ZNF521: variants seen among roughly 807,000 people sequenced by gnomAD.
ZNF521 encodes zinc finger protein 521.
A neutral mutation model predicts 105.5 loss-of-function variants in ZNF521; 14 were observed. The observed-to-expected ratio is 0.13, with a 90% CI of 0.09 to 0.21. ZNF521 has a LOEUF of 0.21. ZNF521 is among the 10% of genes least tolerant of loss of function. The probability of loss-of-function intolerance (pLI) is 1.00; values close to 1 mark genes in which losing one functional copy is unlikely to be tolerated. For synonymous variants in ZNF521, 635 were observed against 606.0 expected, an observed-to-expected ratio of 1.05 and a Z score of -0.70; for missense variants, 1,233 against 1,629.7, an observed-to-expected ratio of 0.76 and a Z score of 4.19.
chr18:25,232,246 T>G (rs939651138), intron 3 of ZNF521, among the ~76,000 whole-genome samples: 2 of 152,220 alleles, frequency 1.3e-5, no homozygotes, highest in African/African-American at 4.8e-5. Context: ...AATCTGCCCC[T>G]ACCTAGGTAT....
At chr18:25,188,349 C>A (rs899216918) in intron 5 of ZNF521, among the ~76,000 whole-genome samples, 2 of 152,144 alleles carry the variant, frequency 1.3e-5, no homozygotes, top group Admixed American at 1.3e-4. Flanking sequence ...ATATTGGCTC[C>A]CTTTCCTTTG....
At chr18:25,124,767 C>A (rs2034507815) in intron 5 of ZNF521, among the ~76,000 whole-genome samples, 1 of 152,128 alleles carries the variant, frequency 6.6e-6, no homozygotes, top group Non-Finnish European at 1.5e-5. Context: ...TTGTTCCAAA[C>A]AAATTAACAT....
At chr18:25,256,198 C>T (rs888293058) in intron 3 of ZNF521, among the ~76,000 whole-genome samples, 1 of 151,638 alleles carries the variant, frequency 6.6e-6, no homozygotes, top group East Asian at 1.9e-4. Flanking sequence ...ATATGAGGTA[C>T]CTAGAGTAGT....
intron 5 of ZNF521, among the ~76,000 whole-genome samples, chr18:25,188,606 C>G (rs1040258741): frequency 1.3e-5 from 2 of 152,174 alleles, no homozygotes; most frequent in Non-Finnish European, 2.9e-5. Flanking sequence ...TGATAAGGAA[C>G]ATATCAAAGA....
intron 2 of ZNF521, among the ~76,000 whole-genome samples, chr18:25,348,961 C>G (rs1914580278): frequency 6.6e-6 from 1 of 152,088 alleles, no homozygotes; most frequent in Non-Finnish European, 1.5e-5. Context: ...CACAGTCAAC[C>G]AAACTTTCGC....
At chr18:25,075,779 G>A (rs2033347164) in intron 7 of ZNF521, among the ~76,000 whole-genome samples, 1 of 152,164 alleles carries the variant, frequency 6.6e-6, no homozygotes, top group African/African-American at 2.4e-5. Flanking sequence ...CACGCACGGC[G>A]CAGGAGAAAA....
chr18:25,230,761 A>G (rs1906481005), intron 3 of ZNF521, among the ~76,000 whole-genome samples: 1 of 152,168 alleles, frequency 6.6e-6, no homozygotes, highest in Non-Finnish European at 1.5e-5. Flanking sequence ...AATTTTTGAA[A>G]CCAGTCTCTT....
At chr18:25,325,547 T>A (rs899870719) in intron 2 of ZNF521, among the ~76,000 whole-genome samples, 1 of 152,120 alleles carries the variant, frequency 6.6e-6, no homozygotes, top group Non-Finnish European at 1.5e-5. Context: ...ACGCAAAGGG[T>A]GATATTTTAA....
intron 3 of ZNF521, among the ~76,000 whole-genome samples, chr18:25,304,891 G>C (rs7234083): frequency 0.043 from 6,621 of 152,218 alleles, 494 homozygotes; most frequent in African/African-American, 0.15. Context: ...GTTTACGCTT[G>C]CCTTAAGTGC....
intron 3 of ZNF521, among the ~76,000 whole-genome samples, chr18:25,308,338 C>G (rs1274428356): frequency 2.6e-5 from 4 of 152,052 alleles, no homozygotes; most frequent in African/African-American, 4.8e-5. Flanking sequence ...CTGCCAAACT[C>G]CTGACCTATA....
intron 3 of ZNF521, chr18:25,302,153 T>A (rs560257892): frequency 6.6e-6 from 1 of 152,148 alleles, no homozygotes; most frequent in East Asian, 1.9e-4. Context: ...TATAAGCTTT[T>A]TCATTTGCAT....
intron 3 of ZNF521, among the ~76,000 whole-genome samples, chr18:25,235,210 T>G (rs922086583): frequency 1.3e-5 from 2 of 152,232 alleles, no homozygotes; most frequent in African/African-American, 4.8e-5. Context: ...TTGGCTTAGT[T>G]AGAAAGTCCT....
At chr18:25,337,786 C>T (rs189852828) in intron 2 of ZNF521, among the ~76,000 whole-genome samples, 1 of 152,224 alleles carries the variant, frequency 6.6e-6, no homozygotes, top group Non-Finnish European at 1.5e-5. Context: ...TAAAATCATA[C>T]ATATCAGCAA....
intron 3 of ZNF521, among the ~76,000 whole-genome samples, chr18:25,301,669 T>TTA (rs957442417): frequency 2.0e-5 from 3 of 152,208 alleles, no homozygotes; most frequent in Admixed American, 2.0e-4. Flanking sequence ...AAGTCTTCCT[T>TTA]CTTAGAAATT....
chr18:25,344,265 T>G (rs1914363245), intron 2 of ZNF521, among the ~76,000 whole-genome samples: 1 of 151,682 alleles, frequency 6.6e-6, no homozygotes. Flanking sequence ...GTGTCGGGCT[T>G]TTTATGCCAG....
At chr18:25,263,884 A>G (rs960564176) in intron 3 of ZNF521, among the ~76,000 whole-genome samples, 1 of 152,218 alleles carries the variant, frequency 6.6e-6, no homozygotes, top group Non-Finnish European at 1.5e-5. Context: ...GGCCTAGGTC[A>G]ATAACTTTCT....
chr18:25,196,368 T>C (rs563808019), intron 4 of ZNF521, among the ~76,000 whole-genome samples: 2 of 151,800 alleles, frequency 1.3e-5, no homozygotes, highest in African/African-American at 4.8e-5. Flanking sequence ...TACCAGCCTG[T>C]AAGTTACAAT....
At chr18:25,234,463 T>A (rs1321272749) in intron 3 of ZNF521, among the ~76,000 whole-genome samples, 1 of 152,222 alleles carries the variant, frequency 6.6e-6, no homozygotes, top group Non-Finnish European at 1.5e-5. Flanking sequence ...TTAATCAACT[T>A]TTATTAAGCA....
At chr18:25,157,188 C>T (rs2035162145) in intron 5 of ZNF521, among the ~76,000 whole-genome samples, 1 of 151,982 alleles carries the variant, frequency 6.6e-6, no homozygotes, top group Non-Finnish European at 1.5e-5. Flanking sequence ...CAGAGTGAGA[C>T]TCCATCTCAC....
Sources: gnomAD v4.1 joint callset for allele counts (sites outside exome capture counted in the v4.1 genomes callset) on GRCh38, gnomAD v4.1.1 for gene constraint, MANE v1.5 for transcripts, NCBI Gene and HGNC (gene_info 2026-07-23, HGNC 2026-07-21) for gene names.